Variants in SV2C observed in about 807,000 individuals in gnomAD.
The protein encoded by SV2C is synaptic vesicle glycoprotein 2C.
A neutral mutation model predicts 79.7 loss-of-function variants in SV2C; 49 were observed. The observed-to-expected ratio is 0.61, with a 90% CI of 0.49 to 0.78. SV2C has a LOEUF of 0.78. Among genes scored for constraint, SV2C ranks in the 30% least tolerant of loss-of-function variants. The pLI, the probability that SV2C is intolerant of heterozygous loss-of-function variation, is 0.00. For synonymous variants in SV2C, 334 were observed against 333.2 expected (o/e 1.00, Z -0.03); for missense variants, 833 against 912.9 (o/e 0.91, Z 1.13).
At chr5:76,028,820 T>C in the SV2C span, among the ~76,000 whole-genome samples, 2 of 152,214 alleles carry the variant, frequency 1.3e-5, no homozygotes, top group African/African-American at 4.8e-5. Flanking sequence ...CTAGATGCCA[T>C]CTTTGCTCTC....
At chr5:75,860,893 C>T in the SV2C span, among the ~76,000 whole-genome samples, 1 of 152,134 alleles carries the variant, frequency 6.6e-6, no homozygotes, top group Non-Finnish European at 1.5e-5. Context: ...ATGCAGAAGA[C>T]TGAAACCGAC....
At chr5:76,247,950 T>C (rs1745994511) in intron 4 of SV2C, among the ~76,000 whole-genome samples, 1 of 152,126 alleles carries the variant, frequency 6.6e-6, no homozygotes, top group Non-Finnish European at 1.5e-5. Flanking sequence ...ATGACAGTGA[T>C]TATTAGGTGA....
chr5:75,948,211 A>G, the SV2C span, among the ~76,000 whole-genome samples: 1 of 152,052 alleles, frequency 6.6e-6, no homozygotes, highest in South Asian at 2.1e-4. Flanking sequence ...TGCACCTTAC[A>G]TCCATGGAAT....
At chr5:76,142,372 AT>A (rs963501670) in intron 2 of SV2C, among the ~76,000 whole-genome samples, 1 of 152,192 alleles carries the variant, frequency 6.6e-6, no homozygotes, top group Non-Finnish European at 1.5e-5. Context: ...TCTTTAAATT[AT>A]TTTCACATCT....
At position 76,314,311 on chromosome 5, in the gene SV2C, G is replaced by C. The variant is rs774836523; in HGVS notation, c.2001-11053G>C. On this transcript the variant is annotated intron_variant, in intron 12 of 12. Coordinates refer to ENST00000502798, the MANE Select transcript of SV2C (RefSeq NM_014979.4). Reference sequence around the variant, plus strand: ...GGAGCACTGGTCTTCAGTCCTCTCTGCTGTCCTTTGGGTCCCTTTCCACTT... The same window carrying C: ...GGAGCACTGGTCTTCAGTCCTCTCTCCTGTCCTTTGGGTCCCTTTCCACTT... Among the ~76,000 whole-genome samples, 3 of 152,142 alleles carry C rather than the reference G, an allele frequency of 2.0e-5. No individual in the cohort carries two copies. In the East Asian group the frequency reaches 5.8e-4, roughly 29 times the overall value.
At chr5:76,289,505 TTCATCAGTAGGTACCACAA>T (rs1368035266) in intron 6 of SV2C, among the ~76,000 whole-genome samples, 4 of 152,144 alleles carry the variant, frequency 2.6e-5, no homozygotes, top group African/African-American at 9.7e-5. Context: ...TGCCCTAAAT[TTCATCAGTAGGTACCACAA>T]GCACCACCTA....
chr5:75,903,468 C>T, the SV2C span, among the ~76,000 whole-genome samples: 2 of 151,934 alleles, frequency 1.3e-5, no homozygotes, highest in Non-Finnish European at 2.9e-5. Context: ...TCTTTTCACA[C>T]CAAATTCTCA....
chr5:75,999,651 C>A, the SV2C span, among the ~76,000 whole-genome samples: 5 of 59,324 alleles, frequency 8.4e-5, no homozygotes, highest in Admixed American at 8.2e-4. Flanking sequence ...CTCTTCTCTG[C>A]CTTTTTTTTT....
At chr5:75,891,109 C>A in the SV2C span, among the ~76,000 whole-genome samples, 4 of 152,074 alleles carry the variant, frequency 2.6e-5, no homozygotes, top group Non-Finnish European at 4.4e-5. Flanking sequence ...GGTACTTGTG[C>A]AAGCCCCAAT....
At chr5:76,181,323 C>T (rs1010272313) in intron 2 of SV2C, among the ~76,000 whole-genome samples, 1 of 152,216 alleles carries the variant, frequency 6.6e-6, no homozygotes, top group Non-Finnish European at 1.5e-5. Context: ...GTATGGCCCA[C>T]AGAGTCTGAG....
chr5:76,344,670 T>C (rs1749505698), intron 12 of SV2C, among the ~76,000 whole-genome samples: 1 of 151,904 alleles, frequency 6.6e-6, no homozygotes, highest in African/African-American at 2.4e-5. Flanking sequence ...GATTGTACCA[T>C]TGCACTCCAG....
downstream of SV2C, among the ~76,000 whole-genome samples, chr5:76,338,546 C>T (rs1449773345): frequency 1.3e-5 from 2 of 152,220 alleles, no homozygotes; most frequent in Admixed American, 6.5e-5. Flanking sequence ...ACCCCCACTG[C>T]AGTCTGCTGC....
At chr5:75,910,877 A>G in the SV2C span, 1 of 1,037,876 alleles carries the variant, frequency 9.6e-7, no homozygotes, top group African/African-American at 1.6e-5. Context: ...CTATGAGATG[A>G]TGAGCAAACT....
the SV2C span, among the ~76,000 whole-genome samples, chr5:76,050,281 G>A: frequency 6.6e-6 from 1 of 152,126 alleles, no homozygotes; most frequent in Admixed American, 6.6e-5. Flanking sequence ...TTTCAATGTA[G>A]GGTGATCACC....
At chr5:76,198,357 TA>T (rs1296769884) in intron 3 of SV2C, among the ~76,000 whole-genome samples, 1 of 152,122 alleles carries the variant, frequency 6.6e-6, no homozygotes, top group Non-Finnish European at 1.5e-5. Flanking sequence ...GCTGGTTGTT[TA>T]AAAATAGGCC....
the SV2C span, among the ~76,000 whole-genome samples, chr5:76,073,570 A>G: frequency 1.4e-5 from 2 of 144,530 alleles, no homozygotes; most frequent in South Asian, 2.2e-4. Flanking sequence ...ACTCAACCAT[A>G]AAAAGGAATG....
At chr5:76,279,839 C>T (rs992960684) in intron 4 of SV2C, among the ~76,000 whole-genome samples, 9 of 152,064 alleles carry the variant, frequency 5.9e-5, no homozygotes, top group Non-Finnish European at 1.3e-4. Flanking sequence ...GAGAACATGA[C>T]GATGAGGGTT....
At chr5:76,211,833 C>A (rs1039633955) in intron 4 of SV2C, among the ~76,000 whole-genome samples, 2 of 152,158 alleles carry the variant, frequency 1.3e-5, no homozygotes, top group African/African-American at 2.4e-5. Flanking sequence ...ATGTCACACG[C>A]TTTCTTTTGA....
the SV2C span, among the ~76,000 whole-genome samples, chr5:75,909,386 G>A: frequency 6.6e-6 from 1 of 152,154 alleles, no homozygotes; most frequent in South Asian, 2.1e-4. Flanking sequence ...TCTAAACCAG[G>A]GAGTTGAATG....
Sources: gnomAD v4.1 joint callset for allele counts (sites outside exome capture counted in the v4.1 genomes callset) on GRCh38, gnomAD v4.1.1 for gene constraint, MANE v1.5 for transcripts, NCBI Gene and HGNC (gene_info 2026-07-23, HGNC 2026-07-21) for gene names.